SPECC1: variants seen among roughly 807,000 people sequenced by gnomAD.
The protein encoded by SPECC1 is cytospin-B.
Under a neutral mutation model 104.1 loss-of-function variants are expected in SPECC1, and 62 were observed. That is an observed-to-expected ratio of 0.60 (90% confidence interval 0.49 to 0.74). The LOEUF is 0.74. Among genes scored for constraint, SPECC1 ranks in the 30% least tolerant of loss-of-function variants. The probability of loss-of-function intolerance (pLI) is 0.00; values close to 1 mark genes in which losing one functional copy is unlikely to be tolerated. For missense variants in SPECC1, 1,306 were observed against 1,310.5 expected (o/e 1.00, Z 0.05); for synonymous variants, 513 against 501.6 (o/e 1.02, Z -0.30).
At chr17:20,168,635 T>C (rs1379227003) in intron 3 of SPECC1, among the ~76,000 whole-genome samples, 2 of 152,088 alleles carry the variant, frequency 1.3e-5, no homozygotes, top group African/African-American at 4.8e-5. Flanking sequence ...TGAGAAAAAA[T>C]TAGCATTATT....
intron 1 of SPECC1, among the ~76,000 whole-genome samples, chr17:20,095,106 A>C (rs925078445): frequency 6.6e-6 from 1 of 152,228 alleles, no homozygotes; most frequent in Non-Finnish European, 1.5e-5. Context: ...GGTCCTCATG[A>C]AATTAGTTAC....
intron 12 of SPECC1, among the ~76,000 whole-genome samples, chr17:20,274,768 C>G (rs1052611874): frequency 2.0e-5 from 3 of 151,946 alleles, no homozygotes; most frequent in Admixed American, 2.0e-4. Flanking sequence ...ACATGAGCCA[C>G]TGTGCCCAGC....
At chr17:20,083,714 ATGTT>A (rs2047069464) in intron 1 of SPECC1, among the ~76,000 whole-genome samples, 1 of 152,210 alleles carries the variant, frequency 6.6e-6, no homozygotes, top group African/African-American at 2.4e-5. Flanking sequence ...AGTGTTACAG[ATGTT>A]TGTGTGAATA....
intron 12 of SPECC1, among the ~76,000 whole-genome samples, chr17:20,276,381 A>G (rs1281346080): frequency 6.6e-6 from 1 of 152,086 alleles, no homozygotes; most frequent in South Asian, 2.1e-4. Context: ...TAGTCTCCCC[A>G]CTTAGCTGGG....
chr17:20,044,753 A>G (rs1327252159), intron 1 of SPECC1, among the ~76,000 whole-genome samples: 2 of 152,238 alleles, frequency 1.3e-5, no homozygotes, highest in African/African-American at 4.8e-5. Flanking sequence ...CTTTGAGACT[A>G]TAATGATAAT....
chr17:20,315,278 G>A lies in SPECC1; in HGVS notation c.*1213G>A, dbSNP rs933531076. On this transcript the variant is annotated 3_prime_UTR_variant, in exon 15 of 15. Coordinates refer to ENST00000395527, the MANE Select transcript of SPECC1 (RefSeq NM_001243439.2). ...AAGCCCTTAGGGGTGGGCGGTGAGG[G>A]CACATTTATAACTAACAAAGAAGAA... 2.2e-5 allele frequency: 5 copies of A among 232,242 alleles called. No homozygotes were observed. The highest frequency in any genetic ancestry group is 8.8e-5 in the African/African-American group (4 of 45,280). The allele number at this position is 232,242 out of a possible 1,614,324, so 14.4% of individuals were successfully genotyped here. A position where few individuals can be genotyped will look rare whatever the true frequency, so the allele number is the denominator to read the frequency against.
rs141736867 is a variant in SPECC1 at position 20,217,680 on chromosome 17, C to A, written c.1864-9733C>A. ...CCAGGATGCAAGACTCAAAAGCCAC[C>A]TTCTATTGCTGCTTTTCAAATGATT... On this transcript the variant is annotated intron_variant, in intron 4 of 14. Transcript: ENST00000395527. Among the ~76,000 whole-genome samples the A allele has an allele frequency of 6.3e-3, 960 of 152,278 alleles. 10 individuals are homozygous for A. Among genetic ancestry groups the A allele is most frequent in the African/African-American group, 0.022 (912 of 41,544 alleles).
chr17:20,205,328 C>T lies in SPECC1; in HGVS notation c.1279C>T (p.His427Tyr), dbSNP rs200197938. Residue 427 changes from histidine to tyrosine, a missense_variant, in exon 4 of 15, where the codon CAT (histidine) becomes TAT (tyrosine). Transcript: ENST00000395527. ...DEKTILETSF[H>Y]QHRERAEQLS... ...AAAGACGATTTTAGAGACATCCTTT[C>T]ATCAGCATCGAGAGAGGGCAGAGCA... 9 of 1,614,214 alleles carry T rather than the reference C, an allele frequency of 5.6e-6. No homozygotes were observed. The highest frequency in any genetic ancestry group is 1.3e-5 in the African/African-American group (1 of 75,050).
chr17:20,177,960 G>A lies in SPECC1; in HGVS notation c.284-26373G>A, dbSNP rs149345364. Among the ~76,000 whole-genome samples, 445 of 151,918 alleles carry A rather than the reference G, an allele frequency of 2.9e-3. 19 individuals carry two copies. The East Asian group carries it at 0.083, about 28-fold the overall frequency. ...CCTGACCTCGTGATCCGCCTGCCTC[G>A]GCCTCCCAAAGTGCTGGGATTAACA... On this transcript the variant is annotated intron_variant, in intron 3 of 14. Transcript: ENST00000395527.
In SPECC1 at chr17:20,245,931, T is replaced by C; in HGVS notation, c.2357T>C (p.Val786Ala). The C allele has an allele frequency of 2.5e-6, 4 of 1,614,180 alleles. No homozygotes were observed. The highest frequency in any genetic ancestry group is 3.4e-6 in the Non-Finnish European group (4 of 1,180,020). Residue 786 changes from valine to alanine, a missense_variant, in exon 8 of 15, where the codon GTG becomes GCG. Around this residue, in one of 2 missense-constraint regions of SPECC1, gnomAD observed 1,177 missense variants for 1,139.9 expected, o/e 1.03. Coordinates refer to ENST00000395527, the MANE Select transcript of SPECC1 (RefSeq NM_001243439.2). ...VVTSRAAPPP[V>A]DEEPESSEVD... is the part of the protein sequence containing the mutation. ...ATTTGCTCTTTGCCATGCAGACCTG[T>C]GGATGAAGAGCCAGAGTCCTCTGAG...
chr17:20,164,516 A>G (rs552872991), intron 3 of SPECC1, among the ~76,000 whole-genome samples: 4 of 151,942 alleles, frequency 2.6e-5, no homozygotes, highest in African/African-American at 9.7e-5. Flanking sequence ...ATAAACAGAG[A>G]TCTCTGACAG....
intron 1 of SPECC1, among the ~76,000 whole-genome samples, chr17:20,029,049 G>A (rs890397250): frequency 1.3e-5 from 2 of 152,068 alleles, no homozygotes; most frequent in Non-Finnish European, 2.9e-5. Flanking sequence ...GGCATGAACC[G>A]CCACCCCCAG....
At chr17:20,268,543 A>C (rs977664265) in intron 12 of SPECC1, among the ~76,000 whole-genome samples, 26 of 152,188 alleles carry the variant, frequency 1.7e-4, no homozygotes, top group African/African-American at 6.3e-4. Context: ...AAAGCCTTTG[A>C]TTTATTTACT....
chr17:20,026,012 C>T (rs771733864), intron 1 of SPECC1, among the ~76,000 whole-genome samples: 16 of 151,794 alleles, frequency 1.1e-4, no homozygotes, highest in Non-Finnish European at 2.4e-4. Context: ...TGTATATAGT[C>T]TTTAGATAAG....
rs905515112 is a variant in SPECC1 at position 20,316,517 on chromosome 17, T to C, written c.*2452T>C. ...ATGTGGCTGGGATTACAGGTGCCCA[T>C]CACCACACCCAGCTAATGTTTTTGT... On this transcript the variant is annotated 3_prime_UTR_variant, in exon 15 of 15. Coordinates refer to ENST00000395527, the MANE Select transcript of SPECC1 (RefSeq NM_001243439.2). 9.6e-5 allele frequency: 18 copies of C among 187,536 alleles called. No individual in the cohort carries two copies. Among genetic ancestry groups the C allele is most frequent in the Non-Finnish European group, 1.6e-4 (14 of 89,068 alleles). The allele number at this position is 187,536 out of a possible 1,614,324, so 11.6% of individuals were successfully genotyped here.
chr17:20,287,517 G>T (rs1357840300), intron 12 of SPECC1, among the ~76,000 whole-genome samples: 1 of 150,476 alleles, frequency 6.6e-6, no homozygotes, highest in African/African-American at 2.5e-5. Flanking sequence ...TCTCTTTTCT[G>T]CAAGTCATCT....
chr17:20,227,368 A>G (rs369671229), intron 4 of SPECC1, 45 bp from the exon 5 acceptor site: 101 of 1,568,000 alleles, frequency 6.4e-5, no homozygotes, highest in Non-Finnish European at 8.6e-5. Flanking sequence ...CACTGTGGGA[A>G]TTTTTTTGTT....
At chr17:20,279,482 C>T (rs1598131526) in intron 12 of SPECC1, among the ~76,000 whole-genome samples, 1 of 151,788 alleles carries the variant, frequency 6.6e-6, no homozygotes, top group Non-Finnish European at 1.5e-5. Flanking sequence ...GCCACCATGC[C>T]CGGCTAATTT....
chr17:20,131,292 A>G (rs1028990062), intron 3 of SPECC1, among the ~76,000 whole-genome samples: 2 of 151,892 alleles, frequency 1.3e-5, no homozygotes, highest in African/African-American at 4.8e-5. Context: ...CCCAGATTCA[A>G]GTGATTCTCC....
Sources: allele counts gnomAD v4.1 joint callset (sites outside exome capture counted in the v4.1 genomes callset), GRCh38; gene constraint gnomAD v4.1.1; regional missense constraint gnomAD v4.1.1; transcripts MANE v1.5; gene names NCBI Gene and HGNC (gene_info 2026-07-23, HGNC 2026-07-21).